The following DCC variants were observed in gnomAD, a reference collection of about 807,000 sequenced individuals.
DCC encodes netrin receptor DCC.
A neutral mutation model predicts 172.5 loss-of-function variants in DCC; 58 were observed. The ratio of observed to expected loss-of-function variants is 0.34; its 90% CI spans 0.27 to 0.42. The LOEUF (loss-of-function observed/expected upper bound fraction) is 0.42. Among genes scored for constraint, DCC ranks in the 10% least tolerant of loss-of-function variants. DCC has a pLI of 1.00. For missense variants in DCC, 1,740 were observed against 1,791.0 expected, an observed-to-expected ratio of 0.97 and a Z score of 0.51; for synonymous variants, 709 against 644.5, an observed-to-expected ratio of 1.10 and a Z score of -1.52.
At chr18:52,584,932 G>C (rs1186341584) in intron 1 of DCC, among the ~76,000 whole-genome samples, 1 of 152,034 alleles carries the variant, frequency 6.6e-6, no homozygotes, top group East Asian at 1.9e-4. Flanking sequence ...CATTCCTTTA[G>C]GAATATTCTC....
chr18:52,497,290 T>C (rs1244131492), intron 1 of DCC, among the ~76,000 whole-genome samples: 2 of 35,840 alleles, frequency 5.6e-5, no homozygotes, highest in African/African-American at 1.6e-4. Context: ...AATATATATA[T>C]ATATATATAT....
At chr18:52,610,163 AAAAAAAAAAAAAAAAATATAT>A (rs1264944186) in intron 1 of DCC, among the ~76,000 whole-genome samples, 17 of 19,018 alleles carry the variant, frequency 8.9e-4, no homozygotes, top group African/African-American at 1.1e-3. Context: ...AAAAAAAAAA[AAAAAAAAAAAAAAAAATATAT>A]ATATATATAT....
At chr18:52,766,123 G>A (rs932652127) in intron 2 of DCC, among the ~76,000 whole-genome samples, 6 of 152,236 alleles carry the variant, frequency 3.9e-5, no homozygotes, top group African/African-American at 7.2e-5. Context: ...TTTTGGTGCC[G>A]GTAGGATCAA....
At chr18:53,312,162 AAAAAAAAAAAAAAAAG>A (rs2057277425) in intron 13 of DCC, among the ~76,000 whole-genome samples, 2 of 91,976 alleles carry the variant, frequency 2.2e-5, no homozygotes, top group Non-Finnish European at 4.1e-5. Context: ...ACAAAAAAAA[AAAAAAAAAAAAAAAAG>A]AAAAAGAAAA....
chr18:53,174,524 A>G (rs2055060855), intron 8 of DCC, among the ~76,000 whole-genome samples: 1 of 149,926 alleles, frequency 6.7e-6, no homozygotes, highest in Non-Finnish European at 1.5e-5. Context: ...AATACAAACT[A>G]CCATCAGAGA....
At chr18:53,317,063 G>C (rs147782597) in intron 13 of DCC, among the ~76,000 whole-genome samples, 3 of 152,192 alleles carry the variant, frequency 2.0e-5, no homozygotes, top group African/African-American at 7.2e-5. Flanking sequence ...TGCCCATGCA[G>C]TATATTGGCT....
intron 5 of DCC, among the ~76,000 whole-genome samples, chr18:53,062,863 C>G (rs564794274): frequency 1.8e-4 from 28 of 152,086 alleles, no homozygotes; most frequent in Non-Finnish European, 3.7e-4. Context: ...CACATTAATC[C>G]TAATGAAACT....
intron 5 of DCC, among the ~76,000 whole-genome samples, chr18:52,967,313 T>G (rs1198354865): frequency 6.6e-6 from 1 of 152,122 alleles, no homozygotes; most frequent in Non-Finnish European, 1.5e-5. Flanking sequence ...TCTCCCAAGG[T>G]AGAGTTAACT....
chr18:53,110,899 G>A (rs1166417225), intron 7 of DCC, among the ~76,000 whole-genome samples: 4 of 124,334 alleles, frequency 3.2e-5, no homozygotes, highest in Admixed American at 1.7e-4. Flanking sequence ...CCATTACTGG[G>A]TATATACCCA....
rs1190147164 is a variant in DCC at position 53,435,132 on chromosome 18, C to G, written c.3164-12C>G. On this transcript the variant is annotated splice_polypyrimidine_tract_variant and intron_variant, in intron 21 of 28. Transcript: ENST00000442544. ...TTGTACTGACATTGTGACATGCTCT[C>G]CCAATGAACAGGTCGTCATGGAGAT... 1 of 1,601,140 alleles carries G rather than the reference C, an allele frequency of 6.2e-7. No individual in the cohort carries two copies. Among genetic ancestry groups the G allele is most frequent in the Non-Finnish European group, 8.6e-7 (1 of 1,168,348 alleles).
At chr18:52,828,775 G>A (rs1266632446) in intron 2 of DCC, among the ~76,000 whole-genome samples, 1 of 152,118 alleles carries the variant, frequency 6.6e-6, no homozygotes, top group Non-Finnish European at 1.5e-5. Flanking sequence ...ATGCTTCAGG[G>A]AGCCAGTTAC....
chr18:53,406,232 C>T (rs1230980010), intron 19 of DCC, among the ~76,000 whole-genome samples: 1 of 152,036 alleles, frequency 6.6e-6, no homozygotes, highest in Non-Finnish European at 1.5e-5. Flanking sequence ...ATTTGTCTCC[C>T]TTTTGTAAAA....
At chr18:52,990,320 C>T (rs1283201739) in intron 5 of DCC, among the ~76,000 whole-genome samples, 6 of 151,974 alleles carry the variant, frequency 3.9e-5, no homozygotes, top group Admixed American at 3.3e-4. Flanking sequence ...GCAGGCAGAT[C>T]ACCTGAGGTC....
At chr18:53,471,949 G>A (rs1469241662) in intron 25 of DCC, among the ~76,000 whole-genome samples, 1 of 152,078 alleles carries the variant, frequency 6.6e-6, no homozygotes, top group African/African-American at 2.4e-5. Flanking sequence ...TAGGGGCAAG[G>A]ATTATGCCTA....
chr18:53,133,498 A>G (rs1025716310), intron 7 of DCC, among the ~76,000 whole-genome samples: 3 of 152,148 alleles, frequency 2.0e-5, no homozygotes, highest in Non-Finnish European at 4.4e-5. Flanking sequence ...ACTTTCCTAG[A>G]ATCACACATG....
chr18:52,431,639 G>A (rs1347669730), intron 1 of DCC, among the ~76,000 whole-genome samples: 1 of 152,174 alleles, frequency 6.6e-6, no homozygotes. Flanking sequence ...TCCAATGCCA[G>A]ATGAAATGCT....
rs189737356 is a variant in DCC at position 53,133,315 on chromosome 18, C to A, written c.1262-24041C>A. Among the ~76,000 whole-genome samples, 360 of 152,298 alleles carry A rather than the reference C, an allele frequency of 2.4e-3. 5 individuals are homozygous for A. Among genetic ancestry groups the A allele is most frequent in the Non-Finnish European group, 7.1e-4 (48 of 68,020 alleles). ...ACACTAGTACAACTTAAATGTAGTA[C>A]AAATGCTGTAAGTTTGCAATATCCC... is the stretch of plus-strand genomic sequence containing the variant. On this transcript the variant is annotated intron_variant, in intron 7 of 28. Transcript: ENST00000442544.
At chr18:53,146,422 G>A (rs904558136) in intron 7 of DCC, among the ~76,000 whole-genome samples, 1 of 152,184 alleles carries the variant, frequency 6.6e-6, no homozygotes, top group Admixed American at 6.5e-5. Context: ...GTCCTCACAT[G>A]GTAGAAGGAA....
At chr18:52,436,895 G>A (rs528625011) in intron 1 of DCC, among the ~76,000 whole-genome samples, 3 of 152,254 alleles carry the variant, frequency 2.0e-5, no homozygotes, top group African/African-American at 7.2e-5. Flanking sequence ...ACTCCAGCCT[G>A]GGTGACAGAG....
Sources: allele counts gnomAD v4.1 joint callset (sites outside exome capture counted in the v4.1 genomes callset), GRCh38; gene constraint gnomAD v4.1.1; transcripts MANE v1.5; gene names NCBI Gene and HGNC (gene_info 2026-07-23, HGNC 2026-07-21).